CNBD1: variants seen among roughly 807,000 people sequenced by gnomAD.
The protein encoded by CNBD1 is cyclic nucleotide-binding domain-containing protein 1.
CNBD1 carries 71 observed loss-of-function variants against 54.4 expected under a neutral mutation model. The observed-to-expected ratio is 1.30, with a 90% CI of 1.08 to 1.59. CNBD1 has a LOEUF of 1.59. CNBD1 is among the 40% of genes most tolerant of loss of function. The pLI is 0.00. For missense variants in CNBD1, 659 were observed against 518.0 expected, an observed-to-expected ratio of 1.27 and a Z score of -2.64; for synonymous variants, 182 against 170.7, an observed-to-expected ratio of 1.07 and a Z score of -0.51.
At chr8:87,289,775 C>T (rs1271872256) in intron 8 of CNBD1, among the ~76,000 whole-genome samples, 1 of 152,070 alleles carries the variant, frequency 6.6e-6, no homozygotes, top group African/African-American at 2.4e-5. Context: ...ATAGGCTCTA[C>T]ATCCCTTCAA....
chr8:87,417,423 C>G (rs183459482), intron 2 of CNBD1, among the ~76,000 whole-genome samples: 1 of 151,796 alleles, frequency 6.6e-6, no homozygotes, highest in East Asian at 1.9e-4. Context: ...ATCTCTTTGA[C>G]GATAAAAAGT....
intron 4 of CNBD1, among the ~76,000 whole-genome samples, chr8:87,010,270 T>C (rs1332877954): frequency 6.6e-6 from 1 of 152,120 alleles, no homozygotes; most frequent in African/African-American, 2.4e-5. Context: ...CAATGGTTCA[T>C]GTGTTCCTGA....
At chr8:87,010,484 C>T (rs1249541785) in intron 4 of CNBD1, among the ~76,000 whole-genome samples, 1 of 152,138 alleles carries the variant, frequency 6.6e-6, no homozygotes, top group African/African-American at 2.4e-5. Context: ...CATGGTGGCT[C>T]ATGCCTGTAA....
At chr8:87,304,625 T>A (rs1386360427) in intron 8 of CNBD1, among the ~76,000 whole-genome samples, 1 of 152,000 alleles carries the variant, frequency 6.6e-6, no homozygotes, top group Non-Finnish European at 1.5e-5. Flanking sequence ...ACCCTAGAAC[T>A]TAAAGTATAA....
intron 2 of CNBD1, among the ~76,000 whole-genome samples, chr8:87,393,866 TGTGA>T (rs994756483): frequency 2.6e-5 from 4 of 151,764 alleles, no homozygotes; most frequent in African/African-American, 7.2e-5. Flanking sequence ...AGAGAACAAA[TGTGA>T]GTGTTAGTGA....
intron 5 of CNBD1, among the ~76,000 whole-genome samples, chr8:87,208,047 T>G (rs1235789216): frequency 6.6e-6 from 1 of 152,190 alleles, no homozygotes; most frequent in African/African-American, 2.4e-5. Context: ...TCTTTATTCA[T>G]GTATGTGTTT....
intron 3 of CNBD1, among the ~76,000 whole-genome samples, chr8:86,909,035 C>T (rs759913230): frequency 6.6e-6 from 1 of 151,998 alleles, no homozygotes; most frequent in African/African-American, 2.4e-5. Flanking sequence ...GGATTACAGG[C>T]GTGAGCCACT....
intron 3 of CNBD1, among the ~76,000 whole-genome samples, chr8:86,939,065 A>G (rs1414480961): frequency 6.6e-6 from 1 of 152,208 alleles, no homozygotes; most frequent in East Asian, 1.9e-4. Flanking sequence ...AATTCTAGAA[A>G]TATGAATGGA....
intron 2 of CNBD1, among the ~76,000 whole-genome samples, chr8:86,899,884 C>T (rs1431608942): frequency 6.6e-6 from 1 of 152,154 alleles, no homozygotes; most frequent in African/African-American, 2.4e-5. Flanking sequence ...GCTGGGCTCC[C>T]CTCCTTGTTC....
intron 6 of CNBD1, among the ~76,000 whole-genome samples, chr8:87,240,333 C>A (rs1288402812): frequency 5.9e-5 from 9 of 152,018 alleles, no homozygotes; most frequent in African/African-American, 1.9e-4. Context: ...GTGGAAAAAA[C>A]TGATAAAAAT....
chr8:87,203,850 C>T (rs1813913735), intron 4 of CNBD1, among the ~76,000 whole-genome samples: 1 of 152,168 alleles, frequency 6.6e-6, no homozygotes, highest in Non-Finnish European at 1.5e-5. Context: ...ACAATAAAAA[C>T]TCACACTAAG....
At chr8:87,117,692 T>C (rs926034517) in intron 4 of CNBD1, among the ~76,000 whole-genome samples, 1 of 152,144 alleles carries the variant, frequency 6.6e-6, no homozygotes, top group African/African-American at 2.4e-5. Flanking sequence ...TAAGATAAAT[T>C]GCAAAGACTC....
chr8:87,149,617 C>T (rs16897157), intron 4 of CNBD1, among the ~76,000 whole-genome samples: 3,343 of 152,204 alleles, frequency 0.022, 129 homozygotes, highest in African/African-American at 0.074. Context: ...TCTTGACTCT[C>T]TTGAGCATAT....
chr8:87,298,046 G>C (rs1215316522), intron 8 of CNBD1, among the ~76,000 whole-genome samples: 1 of 151,478 alleles, frequency 6.6e-6, no homozygotes, highest in Non-Finnish European at 1.5e-5. Context: ...ATTTGTATAA[G>C]CTGAGCTGTA....
intron 8 of CNBD1, among the ~76,000 whole-genome samples, chr8:87,299,645 G>T (rs1808945887): frequency 6.6e-6 from 1 of 152,178 alleles, no homozygotes; most frequent in Non-Finnish European, 1.5e-5. Flanking sequence ...GAGAAGACCA[G>T]AATGAGGGCT....
intron 4 of CNBD1, among the ~76,000 whole-genome samples, chr8:87,127,380 G>T (rs1416070886): frequency 1.3e-5 from 2 of 151,986 alleles, no homozygotes; most frequent in Admixed American, 6.6e-5. Context: ...TACATCTTTT[G>T]TCAGATTTAT....
chr8:87,316,887 TATAA>T (rs1003105864), intron 8 of CNBD1, among the ~76,000 whole-genome samples: 1 of 151,806 alleles, frequency 6.6e-6, no homozygotes, highest in Non-Finnish European at 1.5e-5. Flanking sequence ...TTTATTATTA[TATAA>T]ATATTCATTA....
At chr8:87,277,811 C>T (rs1230404667) in intron 6 of CNBD1, among the ~76,000 whole-genome samples, 2 of 151,636 alleles carry the variant, frequency 1.3e-5, no homozygotes, top group Non-Finnish European at 3.0e-5. Flanking sequence ...TTTTCATACA[C>T]AACATCCAGC....
At chr8:87,162,448 T>C (rs1040634666) in intron 4 of CNBD1, among the ~76,000 whole-genome samples, 1 of 152,108 alleles carries the variant, frequency 6.6e-6, no homozygotes, top group Non-Finnish European at 1.5e-5. Context: ...AAATATTAAC[T>C]AGCATAAAGT....
Sources: allele counts gnomAD v4.1 joint callset (sites outside exome capture counted in the v4.1 genomes callset), GRCh38; gene constraint gnomAD v4.1.1; transcripts MANE v1.5; gene names NCBI Gene and HGNC (gene_info 2026-07-23, HGNC 2026-07-21).